The following DSCAM variants were observed in gnomAD, a reference collection of about 807,000 sequenced individuals.
DSCAM encodes the protein DS cell adhesion molecule.
Under a neutral mutation model 217.7 loss-of-function variants are expected in DSCAM, and 47 were observed. The observed-to-expected ratio is 0.22, with a 90% CI of 0.17 to 0.28. The LOEUF (loss-of-function observed/expected upper bound fraction) is 0.28, where lower values mean the gene tolerates loss of function less well. DSCAM is among the 10% of genes least tolerant of loss of function. DSCAM has a pLI of 1.00. For missense variants in DSCAM, 2,080 were observed against 2,618.3 expected (o/e 0.79, Z 4.49); for synonymous variants, 1,056 against 1,015.3 (o/e 1.04, Z -0.76).
At chr21:40,289,838 GA>G (rs1310832125) in intron 10 of DSCAM, among the ~76,000 whole-genome samples, 1 of 151,920 alleles carries the variant, frequency 6.6e-6, no homozygotes, top group East Asian at 1.9e-4. Flanking sequence ...CAAAATAGAA[GA>G]AAAAAACAGA....
intron 32 of DSCAM, among the ~76,000 whole-genome samples, chr21:40,022,388 ACT>A (rs1380430898): frequency 6.6e-5 from 10 of 151,918 alleles, no homozygotes; most frequent in African/African-American, 2.2e-4. Context: ...CTGTTGAGAA[ACT>A]CTGTTTTAGA....
chr21:40,710,582 T>C (rs1288572748), intron 1 of DSCAM, among the ~76,000 whole-genome samples: 7 of 152,228 alleles, frequency 4.6e-5, no homozygotes, highest in Non-Finnish European at 1.0e-4. Context: ...TTCATTTAAA[T>C]TGTTTCTCTT....
rs374115111 is a variant in DSCAM at position 40,271,324 on chromosome 21, G to A, written c.2356+4773C>T. 1.3e-4 allele frequency among the ~76,000 whole-genome samples: 20 copies of A among 152,134 alleles called. No individual in the cohort carries two copies. The South Asian group carries it at 1.7e-3, about 13-fold the overall frequency. ...AAGCGCCTGTTCCTGTTTGATAAGC[G>A]GTGCTCTTTTGTCCTGCATGCAGGG... is the stretch of plus-strand genomic sequence containing the variant. On this transcript the variant is annotated intron_variant, in intron 11 of 32. Coordinates refer to ENST00000400454, the MANE Select transcript of DSCAM (RefSeq NM_001389.5).
At chr21:40,779,707 C>A (rs1292997717) in intron 1 of DSCAM, among the ~76,000 whole-genome samples, 1 of 151,748 alleles carries the variant, frequency 6.6e-6, no homozygotes, top group African/African-American at 2.4e-5. Context: ...AGTGAAGGAC[C>A]CTTAGCCAGG....
chr21:40,689,343 G>A (rs1476992742), intron 3 of DSCAM, among the ~76,000 whole-genome samples: 2 of 152,142 alleles, frequency 1.3e-5, no homozygotes, highest in African/African-American at 4.8e-5. Context: ...TTGCTGCTCC[G>A]ACCTTCCCAG....
intron 3 of DSCAM, among the ~76,000 whole-genome samples, chr21:40,654,443 A>G (rs1378294486): frequency 1.3e-5 from 2 of 152,218 alleles, no homozygotes; most frequent in Non-Finnish European, 2.9e-5. Flanking sequence ...TCACTGCACT[A>G]AATTTTTACA....
chr21:40,137,143 C>T (rs993221608), intron 18 of DSCAM, among the ~76,000 whole-genome samples: 1 of 145,244 alleles, frequency 6.9e-6, no homozygotes, highest in Admixed American at 7.0e-5. Context: ...CCACTGCACT[C>T]CAGCCTGGGC....
intron 6 of DSCAM, among the ~76,000 whole-genome samples, chr21:40,347,190 C>T (rs1601572275): frequency 2.7e-5 from 4 of 150,932 alleles, no homozygotes; most frequent in Middle Eastern, 3.4e-3. Flanking sequence ...CCCAGCTACT[C>T]GGGAGGCTGA....
intron 11 of DSCAM, among the ~76,000 whole-genome samples, chr21:40,258,605 G>A (rs751044249): frequency 7.9e-5 from 12 of 152,166 alleles, no homozygotes; most frequent in Non-Finnish European, 1.0e-4. Context: ...TCTGCTAGCC[G>A]CAATGAAGAA....
chr21:40,369,383 T>TGA, intron 3 of DSCAM, 138 bp from the exon 4 acceptor site: 5 of 663,056 alleles, frequency 7.5e-6, no homozygotes, highest in Admixed American at 3.5e-5. Flanking sequence ...TGCGTGCGTC[T>TGA]GCGTGTGTGT....
chr21:40,397,058 T>A (rs2075185098), intron 3 of DSCAM, among the ~76,000 whole-genome samples: 1 of 152,168 alleles, frequency 6.6e-6, no homozygotes, highest in African/African-American at 2.4e-5. Context: ...TTCCCACACA[T>A]GGTTACATTG....
At chr21:40,473,363 C>T (rs2075905350) in intron 3 of DSCAM, among the ~76,000 whole-genome samples, 1 of 152,198 alleles carries the variant, frequency 6.6e-6, no homozygotes, top group Non-Finnish European at 1.5e-5. Flanking sequence ...TATTGGGAAT[C>T]CACCAGTGAC....
At chr21:40,339,794 T>TTATC in intron 6 of DSCAM, among the ~76,000 whole-genome samples, 1 of 152,364 alleles carries the variant, frequency 6.6e-6, no homozygotes, top group East Asian at 1.9e-4. Context: ...AACAGTCACT[T>TTATC]TATCTGTTAG....
intron 1 of DSCAM, among the ~76,000 whole-genome samples, chr21:40,791,040 C>T (rs899554579): frequency 6.6e-6 from 1 of 151,678 alleles, no homozygotes. Flanking sequence ...AAAAATTAGC[C>T]GGGCAAGGTG....
At chr21:40,269,088 C>T (rs1169797650) in intron 11 of DSCAM, among the ~76,000 whole-genome samples, 2 of 152,172 alleles carry the variant, frequency 1.3e-5, no homozygotes, top group Admixed American at 6.5e-5. Flanking sequence ...GGCTGAATCG[C>T]ACTCCATGAA....
intron 14 of DSCAM, among the ~76,000 whole-genome samples, chr21:40,183,105 T>C (rs760966714): frequency 0.017 from 751 of 44,440 alleles, 225 homozygotes; most frequent in South Asian, 0.029. Context: ...CGGGGGGGGT[T>C]ACCAGAGAAA....
chr21:40,117,820 G>A (rs77539192), intron 20 of DSCAM, among the ~76,000 whole-genome samples: 2,862 of 152,190 alleles, frequency 0.019, 90 homozygotes, highest in African/African-American at 0.065. Flanking sequence ...TTTGGCACTC[G>A]GTGCCTAATG....
intron 11 of DSCAM, among the ~76,000 whole-genome samples, chr21:40,196,355 G>A (rs1175641951): frequency 6.6e-6 from 1 of 152,140 alleles, no homozygotes; most frequent in Non-Finnish European, 1.5e-5. Context: ...TGGGATCACG[G>A]GCTCTCAACC....
chr21:40,368,333 T>C (rs2074856016), intron 4 of DSCAM, among the ~76,000 whole-genome samples: 1 of 152,030 alleles, frequency 6.6e-6, no homozygotes, highest in Admixed American at 6.6e-5. Context: ...AATTCATTTT[T>C]CCCCCAAAAG....
Sources: gnomAD v4.1 joint callset for allele counts (sites outside exome capture counted in the v4.1 genomes callset) on GRCh38, gnomAD v4.1.1 for gene constraint, MANE v1.5 for transcripts, NCBI Gene and HGNC (gene_info 2026-07-23, HGNC 2026-07-21) for gene names.